The following BAZ2B variants were observed in gnomAD, a reference collection of about 807,000 sequenced individuals.
BAZ2B encodes bromodomain adjacent to zinc finger domain 2B.
Under a neutral mutation model 246.0 loss-of-function variants are expected in BAZ2B, and 91 were observed. That is an observed-to-expected ratio of 0.37 (90% CI 0.31 to 0.44). The LOEUF (loss-of-function observed/expected upper bound fraction) is 0.44, where lower values mean the gene tolerates loss of function less well. Among genes scored for constraint, BAZ2B ranks in the 20% least tolerant of loss-of-function variants. The pLI is 1.00. For synonymous variants in BAZ2B, 855 were observed against 860.0 expected (o/e 0.99, Z 0.10); for missense variants, 2,332 against 2,533.7 (o/e 0.92, Z 1.71).
chr2:159,321,415 A>C (rs1173249842), intron 36 of BAZ2B, among the ~76,000 whole-genome samples: 1 of 152,156 alleles, frequency 6.6e-6, no homozygotes, highest in Non-Finnish European at 1.5e-5. Context: ...TATATACCCA[A>C]AAGAAAGGAC....
chr2:159,689,302 A>G, the BAZ2B span: 16 of 434,522 alleles, frequency 3.7e-5, 1 homozygote, highest in South Asian at 3.5e-4. Context: ...TTCCAGTACT[A>G]CTACCTTCAC....
intron 31 of BAZ2B, among the ~76,000 whole-genome samples, chr2:159,343,453 A>G (rs552888202): frequency 8.3e-4 from 126 of 152,334 alleles, no homozygotes; most frequent in Non-Finnish European, 1.1e-3. Context: ...CAACAGAGTG[A>G]AAAGAAAATC....
intron 34 of BAZ2B, among the ~76,000 whole-genome samples, chr2:159,328,069 CGAA>C (rs1179026870): frequency 0.011 from 1,211 of 111,428 alleles, 26 homozygotes; most frequent in African/African-American, 0.026. Context: ...AGCCTCAAAA[CGAA>C]AAAAAAAAAA....
the BAZ2B span, among the ~76,000 whole-genome samples, chr2:159,648,292 C>T: frequency 6.6e-6 from 1 of 152,038 alleles, no homozygotes; most frequent in Non-Finnish European, 1.5e-5. Context: ...CACATGCCAC[C>T]ATGCCCAGCT....
intron 25 of BAZ2B, among the ~76,000 whole-genome samples, chr2:159,380,754 G>A (rs1484553061): frequency 6.6e-6 from 1 of 152,154 alleles, no homozygotes; most frequent in East Asian, 1.9e-4. Context: ...TAAAAACCTG[G>A]ACACTGAGTC....
chr2:159,364,627 C>A (rs1207323641), intron 27 of BAZ2B, among the ~76,000 whole-genome samples: 1 of 152,162 alleles, frequency 6.6e-6, no homozygotes, highest in Admixed American at 6.5e-5. Flanking sequence ...ACCTCAGCTT[C>A]CCAAAGTGCT....
intron 2 of BAZ2B, among the ~76,000 whole-genome samples, chr2:159,496,020 C>T (rs559571470): frequency 4.6e-5 from 7 of 151,190 alleles, no homozygotes; most frequent in East Asian, 2.0e-4. Context: ...CCGCCTGCCT[C>T]GGCCTCCCAA....
In BAZ2B at chr2:159,478,733, G is replaced by A. The variant is rs1362139152; in HGVS notation, c.-2-12C>T. The A allele has an allele frequency of 4.0e-6, 6 of 1,481,588 alleles. No homozygotes were observed. The highest frequency in any genetic ancestry group is 1.8e-4 in the Middle Eastern group (1 of 5,598). The allele number at this position is 1,481,588 out of a possible 1,614,324, so 91.8% of individuals were successfully genotyped here. A position where few individuals can be genotyped will look rare whatever the true frequency, so the allele number is the denominator to read the frequency against. On this transcript the variant is annotated splice_polypyrimidine_tract_variant and intron_variant, in intron 2 of 36. Coordinates refer to ENST00000392783, the MANE Select transcript of BAZ2B (RefSeq NM_013450.4). ...TCCAGACTCCATATCTATGAGAAGG[G>A]AAAATGTTAATTCTCAGTATCAGAT...
At chr2:159,686,813 C>T in the BAZ2B span, among the ~76,000 whole-genome samples, 5 of 152,094 alleles carry the variant, frequency 3.3e-5, no homozygotes, top group East Asian at 3.9e-4. Flanking sequence ...GAGGCCAAGG[C>T]GGACGGATCA....
At chr2:159,498,907 AC>A (rs1559622199) in intron 2 of BAZ2B, among the ~76,000 whole-genome samples, 1 of 152,154 alleles carries the variant, frequency 6.6e-6, no homozygotes, top group Non-Finnish European at 1.5e-5. Flanking sequence ...CTGTTTTTCT[AC>A]CCATGTATCT....
At chr2:159,468,100 G>C (rs1003898913) in intron 3 of BAZ2B, among the ~76,000 whole-genome samples, 1 of 152,140 alleles carries the variant, frequency 6.6e-6, no homozygotes, top group Admixed American at 6.5e-5. Context: ...AAGGACTCCA[G>C]GGTCAGCACA....
At chr2:159,467,518 T>C (rs968563523) in intron 3 of BAZ2B, among the ~76,000 whole-genome samples, 17 of 152,216 alleles carry the variant, frequency 1.1e-4, no homozygotes, top group African/African-American at 4.1e-4. Flanking sequence ...ATGGAATCTC[T>C]TTGCTTTGAT....
At chr2:159,439,246 T>G in intron 6 of BAZ2B, 34 bp from the exon 7 acceptor site, 3 of 1,557,850 alleles carry the variant, frequency 1.9e-6, no homozygotes, top group South Asian at 2.3e-5. Context: ...CAAGACTTTA[T>G]TTTTGGAAAA....
the BAZ2B span, chr2:159,689,988 T>C: frequency 1.8e-5 from 7 of 390,700 alleles, no homozygotes; most frequent in Non-Finnish European, 2.8e-5. Context: ...TTTTTGACCA[T>C]AGAACACATT....
chr2:159,588,744 T>C (rs1207880066), intron 1 of BAZ2B, among the ~76,000 whole-genome samples: 2 of 152,254 alleles, frequency 1.3e-5, no homozygotes, highest in African/African-American at 4.8e-5. Context: ...GAACCATTGC[T>C]TAGCTTTGTG....
intron 2 of BAZ2B, among the ~76,000 whole-genome samples, chr2:159,510,472 A>G (rs967444939): frequency 1.3e-5 from 2 of 152,132 alleles, no homozygotes; most frequent in South Asian, 2.1e-4. Context: ...TCTGACCAGG[A>G]GTTATTATTA....
chr2:159,599,935 C>CAAAAAAAAAAAAAA (rs11303439), intron 1 of BAZ2B, among the ~76,000 whole-genome samples: 1 of 101,608 alleles, frequency 9.8e-6, no homozygotes, highest in Non-Finnish European at 1.9e-5. Flanking sequence ...GACTCCTTCT[C>CAAAAAAAAAAAAAA]AAAAAAAAAA....
At chr2:159,380,975 T>A (rs1228095888) in intron 25 of BAZ2B, among the ~76,000 whole-genome samples, 2 of 152,154 alleles carry the variant, frequency 1.3e-5, no homozygotes, top group Admixed American at 1.3e-4. Context: ...GTTCTGTGAA[T>A]CATCCTAGTG....
At chr2:159,373,246 AAT>A in intron 26 of BAZ2B, 57 bp from the exon 27 acceptor site, 4 of 1,495,444 alleles carry the variant, frequency 2.7e-6, no homozygotes, top group Non-Finnish European at 3.6e-6. Context: ...TTTAAAAATT[AAT>A]ATATATGTAA....
Sources: allele counts gnomAD v4.1 joint callset (sites outside exome capture counted in the v4.1 genomes callset), GRCh38; gene constraint gnomAD v4.1.1; transcripts MANE v1.5; gene names NCBI Gene and HGNC (gene_info 2026-07-23, HGNC 2026-07-21).